GSE1: variants seen among roughly 807,000 people sequenced by gnomAD.
The protein encoded by GSE1 is genetic suppressor element 1.
A neutral mutation model predicts 112.6 loss-of-function variants in GSE1; 32 were observed. The observed-to-expected ratio is 0.28, with a 90% CI of 0.21 to 0.38. The LOEUF is 0.38. Among genes scored for constraint, GSE1 ranks in the 10% least tolerant of loss-of-function variants. The pLI, the probability that GSE1 is intolerant of heterozygous loss-of-function variation, is 1.00. For missense variants in GSE1, 2,348 were observed against 1,699.2 expected (o/e 1.38, Z -6.71); for synonymous variants, 1,115 against 735.6 (o/e 1.52, Z -8.35).
At chr16:85,230,107 C>A (rs1005784104) in intron 1 of GSE1, among the ~76,000 whole-genome samples, 1 of 152,236 alleles carries the variant, frequency 6.6e-6, no homozygotes, top group Non-Finnish European at 1.5e-5. Context: ...CATGGGTTCT[C>A]CCAGGAGCCC....
chr16:85,494,906 C>T (rs1460546908), intron 2 of GSE1, among the ~76,000 whole-genome samples: 4 of 152,100 alleles, frequency 2.6e-5, no homozygotes, highest in African/African-American at 7.2e-5. Flanking sequence ...CGGGCCCTGT[C>T]CCCTGCCTCT....
chr16:85,556,905 G>C (rs1483880775), intron 1 of GSE1, among the ~76,000 whole-genome samples: 1 of 152,060 alleles, frequency 6.6e-6, no homozygotes, highest in Admixed American at 6.5e-5. Flanking sequence ...TCGGAGGAGG[G>C]GGCCGGGGAA....
At chr16:85,464,761 G>T (rs1450185400) in intron 2 of GSE1, among the ~76,000 whole-genome samples, 1 of 152,254 alleles carries the variant, frequency 6.6e-6, no homozygotes. Flanking sequence ...GGAGCTGGAA[G>T]GGCCCTCACT....
chr16:85,666,331 C>G lies in GSE1; in HGVS notation c.3114C>G (p.Ala1038=). The G allele has an allele frequency of 6.2e-7, 1 of 1,613,728 alleles. No individual in the cohort carries two copies. Among genetic ancestry groups the G allele is most frequent in the Non-Finnish European group, 8.5e-7 (1 of 1,180,012 alleles). ...CAGTGCTGCAGTCCACCCAGAAGGC[C>G]CTGCAGAAGCATAAAGGTAATGAGG... ...HESVLQSTQK[A]LQKHKGSVAV... is the part of the protein sequence containing the mutation. Residue 1038 remains alanine (A), a synonymous_variant, in exon 13 of 16, where the codon GCC becomes GCG. Coordinates refer to ENST00000253458, the MANE Select transcript of GSE1 (RefSeq NM_014615.5).
exon 1 of GSE1, chr16:85,556,077 G>A (rs2045195242): frequency 1.0e-6 from 1 of 984,822 alleles, no homozygotes; most frequent in Non-Finnish European, 1.2e-6. Context: ...GGATCTGCCA[G>A]GGCCAAGGTG....
At chr16:85,267,902 C>T (rs773681297) in intron 1 of GSE1, among the ~76,000 whole-genome samples, 1 of 152,188 alleles carries the variant, frequency 6.6e-6, no homozygotes, top group Non-Finnish European at 1.5e-5. Flanking sequence ...CCGTCGGCCC[C>T]AGCTAAGTGG....
At chr16:85,208,227 C>G (rs549266081) in intron 1 of GSE1, among the ~76,000 whole-genome samples, 3 of 152,304 alleles carry the variant, frequency 2.0e-5, no homozygotes, top group African/African-American at 4.8e-5. Context: ...CCTGCTAGGC[C>G]TGGGTTCTTG....
At chr16:85,219,563 A>G (rs2143733391) in intron 1 of GSE1, among the ~76,000 whole-genome samples, 1 of 152,162 alleles carries the variant, frequency 6.6e-6, no homozygotes, top group Non-Finnish European at 1.5e-5. Flanking sequence ...GCATGAGTAC[A>G]CTCACTGCAC....
chr16:85,540,817 G>T (rs2044491578), intron 2 of GSE1, among the ~76,000 whole-genome samples: 1 of 152,138 alleles, frequency 6.6e-6, no homozygotes, highest in Non-Finnish European at 1.5e-5. Flanking sequence ...TGAGGCAGGA[G>T]GATCCCTTGA....
At chr16:85,219,037 G>A (rs574318710) in intron 1 of GSE1, among the ~76,000 whole-genome samples, 2 of 152,158 alleles carry the variant, frequency 1.3e-5, no homozygotes, top group South Asian at 2.1e-4. Context: ...CTGCCACCAC[G>A]ACCGGCTAGT....
intron 1 of GSE1, among the ~76,000 whole-genome samples, chr16:85,295,406 T>C (rs1411407379): frequency 6.6e-6 from 1 of 152,248 alleles, no homozygotes; most frequent in Admixed American, 6.5e-5. Flanking sequence ...CATCAGCCCT[T>C]TTATGGCTGA....
upstream of GSE1, among the ~76,000 whole-genome samples, chr16:85,612,190 C>T (rs1047930343): frequency 8.6e-5 from 13 of 151,916 alleles, no homozygotes; most frequent in Admixed American, 2.0e-4. Flanking sequence ...GCCCCCGAGG[C>T]CCGCCCCTTT....
intron 12 of GSE1, 111 bp downstream of exon 12, chr16:85,665,239 G>C: frequency 1.5e-6 from 1 of 647,080 alleles, no homozygotes. Flanking sequence ...CCTCCTGCAG[G>C]CTGTCTTCTT....
chr16:85,634,196 C>T, intron 2 of GSE1, 64 bp downstream of exon 2: 3 of 1,170,828 alleles, frequency 2.6e-6, no homozygotes, highest in Non-Finnish European at 3.4e-6. Context: ...GACTCAGCCT[C>T]CCGCCTGCGG....
chr16:85,573,557 A>G (rs1469947785), intron 1 of GSE1, among the ~76,000 whole-genome samples: 1 of 152,144 alleles, frequency 6.6e-6, no homozygotes, highest in Non-Finnish European at 1.5e-5. Flanking sequence ...CCTGAGCCTC[A>G]GTTTTCCCAG....
At chr16:85,224,301 CAAAAAAAAAAAAA>C (rs55755242) in intron 1 of GSE1, among the ~76,000 whole-genome samples, 6 of 38,802 alleles carry the variant, frequency 1.5e-4, no homozygotes, top group Admixed American at 4.7e-4. Flanking sequence ...ACTAAAAATA[CAAAAAAAAAAAAA>C]AAAAAAAAAA....
At chr16:85,653,583 C>G (rs934668057) in intron 3 of GSE1, among the ~76,000 whole-genome samples, 1 of 151,780 alleles carries the variant, frequency 6.6e-6, no homozygotes, top group East Asian at 2.0e-4. Flanking sequence ...TGTCCAGGAG[C>G]CTGGGACAGG....
chr16:85,634,279 C>G lies in GSE1; in HGVS notation c.226+147C>G, dbSNP rs906714651. 10 of 592,142 alleles carry G rather than the reference C, an allele frequency of 1.7e-5. No individual in the cohort carries two copies. In the Admixed American group the frequency reaches 2.9e-4, roughly 17 times the overall value. The allele number at this position is 592,142 out of a possible 1,614,324, so 36.7% of individuals were successfully genotyped here. A position where few individuals can be genotyped will look rare whatever the true frequency, so the allele number is the denominator to read the frequency against. ...CATGGAGCAGGCAGTGCTGGCTGAGCTACAGACCCTGGGCCAGTCCGCCTG... is the reference window on the plus strand; with the variant it reads ...CATGGAGCAGGCAGTGCTGGCTGAGGTACAGACCCTGGGCCAGTCCGCCTG... On this transcript the variant is annotated intron_variant, in intron 2 of 15. Coordinates refer to ENST00000253458, the MANE Select transcript of GSE1 (RefSeq NM_014615.5).
At chr16:85,524,039 G>A (rs907423096) in intron 2 of GSE1, among the ~76,000 whole-genome samples, 2 of 152,174 alleles carry the variant, frequency 1.3e-5, no homozygotes, top group African/African-American at 4.8e-5. Flanking sequence ...CCTGTCTCCC[G>A]GGTGGTGGGG....
Sources: allele counts gnomAD v4.1 joint callset (sites outside exome capture counted in the v4.1 genomes callset), GRCh38; gene constraint gnomAD v4.1.1; transcripts MANE v1.5; gene names NCBI Gene and HGNC (gene_info 2026-07-23, HGNC 2026-07-21).